FAM120A: variants seen among roughly 807,000 people sequenced by gnomAD.
FAM120A encodes constitutive coactivator of PPAR-gamma-like protein 1.
FAM120A carries 15 observed loss-of-function variants against 109.7 expected under a neutral mutation model. The observed-to-expected ratio is 0.14, with a 90% CI of 0.09 to 0.21. FAM120A has a LOEUF of 0.21. FAM120A is among the 10% of genes least tolerant of loss of function. The pLI is 1.00. For missense variants in FAM120A, 899 were observed against 1,439.3 expected, an observed-to-expected ratio of 0.62 and a Z score of 6.07; for synonymous variants, 493 against 572.8, an observed-to-expected ratio of 0.86 and a Z score of 1.99.
At chr9:93,541,092 G>A (rs1409588451) in intron 10 of FAM120A, among the ~76,000 whole-genome samples, 1 of 151,540 alleles carries the variant, frequency 6.6e-6, no homozygotes, top group Non-Finnish European at 1.5e-5. Context: ...GGTGTGTGTG[G>A]TGGGGTTTGT....
At position 93,451,729 on chromosome 9, in the gene FAM120A, C is replaced by G. The variant is rs1857220017; in HGVS notation, c.-187C>G. 2 of 987,260 alleles carry G rather than the reference C, an allele frequency of 2.0e-6. No homozygotes were observed. Among genetic ancestry groups the G allele is most frequent in the South Asian group, 4.5e-5 (1 of 22,198 alleles). The allele number at this position is 987,260 out of a possible 1,614,324, so 61.2% of individuals were successfully genotyped here. On this transcript the variant is annotated 5_prime_UTR_variant, in exon 1 of 18. Transcript: ENST00000277165. ...CAGCGGCGGCGGCGGCAGGTCCCTC[C>G]CCAGACATGGCCCTGGGAGGCGGCA...
In FAM120A at chr9:93,558,857, C is replaced by T. The variant is rs942515920; in HGVS notation, c.2806+139C>T. The T allele has an allele frequency of 3.3e-6, 3 of 900,738 alleles. No homozygotes were observed. In the African/African-American group the frequency reaches 5.0e-5, roughly 15 times the overall value. The allele number at this position is 900,738 out of a possible 1,614,324, so 55.8% of individuals were successfully genotyped here. A position where few individuals can be genotyped will look rare whatever the true frequency, so the allele number is the denominator to read the frequency against. ...CCTTTCTTCTGGGTCCCCGCTCTGACCCTCATTGACCACTCCTCCTGAGAC... is the reference window on the plus strand; with the variant it reads ...CCTTTCTTCTGGGTCCCCGCTCTGATCCTCATTGACCACTCCTCCTGAGAC... On this transcript the variant is annotated intron_variant, in intron 15 of 17. Coordinates refer to ENST00000277165, the MANE Select transcript of FAM120A (RefSeq NM_014612.5).
chr9:93,453,562 A>G (rs973473010), intron 1 of FAM120A: 54 of 985,118 alleles, frequency 5.5e-5, no homozygotes, highest in Non-Finnish European at 6.3e-5. Context: ...GCCCGCGAGG[A>G]GATGGTGGTA....
Position 93,527,211 on chromosome 9 carries a change from A to G in FAM120A, c.1475A>G (p.Gln492Arg). 7 of 1,614,136 alleles carry G rather than the reference A, an allele frequency of 4.3e-6. No individual in the cohort carries two copies. In the South Asian group the frequency reaches 6.6e-5, roughly 15 times the overall value. ...WEKTGSHSEP[Q>R]ARGDPGDQTK... ...AAGACGGGAAGCCACTCAGAGCCTC[A>G]GGCACGAGGAGACCCAGGAGACCAA... The change falls in exon 8 of 18, where the codon CAG becomes CGG. Residue 492 changes from glutamine to arginine, a missense_variant. Gln to Arg is a conservative substitution (Grantham distance 43, BLOSUM62 1). This residue lies in a region of FAM120A where 57 missense variants were observed against 52.9 expected (regional missense o/e 1.08). Coordinates refer to ENST00000277165, the MANE Select transcript of FAM120A (RefSeq NM_014612.5).
At position 93,452,228 on chromosome 9, in the gene FAM120A, C is replaced by T; in HGVS notation, c.313C>T (p.Leu105=). ...CAACGGCGCGCTCGAGAAGGCCCGG[C>T]TGCACGAGTGGGTCAAGCGGCAGGG... ...FFNGALEKAR[L]HEWVKRQGNE... The change falls in exon 1 of 18, where the codon CTG becomes TTG. Residue 105 remains leucine (L), a synonymous_variant. Transcript: ENST00000277165. This position sits in a 1 kb window ranked among gnomAD's most constrained non-coding sequence, Gnocchi z 7.0. 1 of 1,611,438 alleles carries T rather than the reference C, an allele frequency of 6.2e-7. No individual in the cohort carries two copies. The highest frequency in any genetic ancestry group is 8.5e-7 in the Non-Finnish European group (1 of 1,179,510).
At chr9:93,454,708 A>G (rs1328032801) in intron 1 of FAM120A, among the ~76,000 whole-genome samples, 1 of 152,212 alleles carries the variant, frequency 6.6e-6, no homozygotes, top group Non-Finnish European at 1.5e-5. Flanking sequence ...TGAGGGTAGT[A>G]CAATGTTTAT....
chr9:93,469,815 A>G (rs926258284), intron 1 of FAM120A, among the ~76,000 whole-genome samples: 5 of 152,188 alleles, frequency 3.3e-5, no homozygotes, highest in African/African-American at 9.7e-5. Flanking sequence ...TTACGTATGC[A>G]TCTTGAAAAG....
In FAM120A at chr9:93,476,373, A is replaced by G. The variant is rs771879184; in HGVS notation, c.804+35A>G. ...TCACTTTATTTTTCTAGCATTTGTA[A>G]TAATCAACTGTGAGTTTGCTATTAC... On this transcript the variant is annotated intron_variant, in intron 3 of 17. Coordinates refer to ENST00000277165, the MANE Select transcript of FAM120A (RefSeq NM_014612.5). 10 of 1,369,530 alleles carry G rather than the reference A, an allele frequency of 7.3e-6. No individual in the cohort carries two copies. In the African/African-American group the frequency reaches 8.6e-5, roughly 12 times the overall value. 84.8% of individuals were successfully genotyped at this position (1,369,530 alleles called of 1,614,324 possible).
In FAM120A at chr9:93,557,684, A is replaced by C. The variant is rs562169674; in HGVS notation, c.2485-143A>C. 4 of 817,134 alleles carry C rather than the reference A, an allele frequency of 4.9e-6. No homozygotes were observed. In the East Asian group the frequency reaches 1.1e-4, roughly 22 times the overall value. The allele number at this position is 817,134 out of a possible 1,614,324, so 50.6% of individuals were successfully genotyped here. Reference sequence around the variant, plus strand: ...TTGTGGTTACAAATAAACGTTAGCAAGTAGGAGAATTTGCAGACATAGAAT... The same window carrying C: ...TTGTGGTTACAAATAAACGTTAGCACGTAGGAGAATTTGCAGACATAGAAT... On this transcript the variant is annotated intron_variant, in intron 13 of 17. Coordinates refer to ENST00000277165, the MANE Select transcript of FAM120A (RefSeq NM_014612.5).
chr9:93,514,522 A>C (rs1425557069), intron 5 of FAM120A, among the ~76,000 whole-genome samples: 1 of 152,178 alleles, frequency 6.6e-6, no homozygotes, highest in African/African-American at 2.4e-5. Context: ...TGTGTCTCAC[A>C]CAGGTTTTCT....
intron 3 of FAM120A, among the ~76,000 whole-genome samples, chr9:93,482,853 G>C (rs1036109426): frequency 6.6e-6 from 1 of 152,176 alleles, no homozygotes; most frequent in African/African-American, 2.4e-5. Context: ...TGCCCAGCCT[G>C]TGGTCCTAGT....
At chr9:93,523,054 G>T (rs1860910369) in intron 7 of FAM120A, among the ~76,000 whole-genome samples, 1 of 152,194 alleles carries the variant, frequency 6.6e-6, no homozygotes, top group Non-Finnish European at 1.5e-5. Context: ...TGAGTTGTTT[G>T]TGTATTAAAT....
At chr9:93,525,958 C>T (rs1435250819) in intron 7 of FAM120A, among the ~76,000 whole-genome samples, 1 of 152,144 alleles carries the variant, frequency 6.6e-6, no homozygotes, top group African/African-American at 2.4e-5. Flanking sequence ...AGCTTTTTTT[C>T]CCCCTTTTTT....
chr9:93,487,393 C>A (rs1859109455), intron 3 of FAM120A, among the ~76,000 whole-genome samples: 1 of 152,134 alleles, frequency 6.6e-6, no homozygotes, highest in African/African-American at 2.4e-5. Flanking sequence ...AACTCCTGAC[C>A]CCAAGTGATC....
chr9:93,475,391 A>G (rs771466304), intron 2 of FAM120A, among the ~76,000 whole-genome samples: 20 of 152,186 alleles, frequency 1.3e-4, no homozygotes, highest in Admixed American at 2.6e-4. Flanking sequence ...CCTATATTAT[A>G]ACGTAGCAAT....
Position 93,527,197 on chromosome 9 carries a change from C to T in FAM120A, c.1461C>T (p.Ser487=). The T allele has an allele frequency of 6.2e-7, 1 of 1,614,100 alleles. No homozygotes were observed. The highest frequency in any genetic ancestry group is 8.5e-7 in the Non-Finnish European group (1 of 1,179,982). The change falls in exon 8 of 18, where the codon AGC becomes AGT. Residue 487 remains serine (S), a synonymous_variant. Transcript: ENST00000277165. ...GNKIGWEKTG[S]HSEPQARGDP... is the part of the protein sequence containing the mutation. Reference sequence around the variant, plus strand: ...AGATTGGCTGGGAGAAGACGGGAAGCCACTCAGAGCCTCAGGCACGAGGAG... The same window carrying T: ...AGATTGGCTGGGAGAAGACGGGAAGTCACTCAGAGCCTCAGGCACGAGGAG...
Position 93,562,274 on chromosome 9 carries a change from C to G in FAM120A, c.3015C>G (p.Gly1005=). The G allele has an allele frequency of 6.2e-7, 1 of 1,614,104 alleles. No individual in the cohort carries two copies. The change falls in exon 17 of 18, where the codon GGC becomes GGG. Residue 1005 remains glycine (G), a synonymous_variant. Coordinates refer to ENST00000277165, the MANE Select transcript of FAM120A (RefSeq NM_014612.5). The part of the protein sequence containing the change: ...RTFGRGGRYY[G]RGYKNQAAIQ... The stretch of plus-strand genomic sequence containing the variant: ...TTGGAAGAGGTGGAAGGTACTATGG[C>G]AGAGGTTACAAAAACCAGGCAGCAA...
rs1861769399 is a variant in FAM120A at position 93,543,300 on chromosome 9, C to A, written c.1988C>A (p.Ala663Asp). 6.2e-7 allele frequency: 1 copy of A among 1,614,072 alleles called. No individual in the cohort carries two copies. The highest frequency in any genetic ancestry group is 8.5e-7 in the Non-Finnish European group (1 of 1,180,048). Reference protein sequence around the residue: ...PQTPELVEALAFREWTCPNLK... With the variant: ...PQTPELVEALDFREWTCPNLK... ...ACCCCGGAACTGGTTGAAGCTCTTG[C>A]CTTCAGGGAGTGGACCTGCCCCAAC... The change falls in exon 11 of 18, where the codon GCC (alanine) becomes GAC (aspartate). Residue 663 changes from alanine to aspartate, a missense_variant. Ala to Asp is a moderately radical substitution (Grantham distance 126). Transcript: ENST00000277165.
At chr9:93,516,603 G>A (rs944157739) in intron 7 of FAM120A, among the ~76,000 whole-genome samples, 1 of 152,082 alleles carries the variant, frequency 6.6e-6, no homozygotes, top group Non-Finnish European at 1.5e-5. Flanking sequence ...ACTCACACCC[G>A]TCACAGCAAC....
Sources: allele counts gnomAD v4.1 joint callset (sites outside exome capture counted in the v4.1 genomes callset), GRCh38; gene constraint gnomAD v4.1.1; regional missense constraint gnomAD v4.1.1; non-coding constraint Gnocchi (gnomAD v3.1); transcripts MANE v1.5; gene names NCBI Gene and HGNC (gene_info 2026-07-23, HGNC 2026-07-21).